Variants in PAXIP1 observed in about 807,000 individuals in gnomAD.
PAXIP1 encodes the protein PAX interacting protein 1.
A neutral mutation model predicts 140.6 loss-of-function variants in PAXIP1; 19 were observed. The observed-to-expected ratio is 0.14, with a 90% confidence interval of 0.09 to 0.20. The LOEUF (loss-of-function observed/expected upper bound fraction) is 0.20, where lower values mean the gene tolerates loss of function less well. PAXIP1 is among the 10% of genes least tolerant of loss of function. The pLI is 1.00. For synonymous variants in PAXIP1, 442 were observed against 444.6 expected (o/e 0.99, Z 0.07); for missense variants, 920 against 1,208.6 (o/e 0.76, Z 3.54).
chr7:154,962,550 T>C, intron 9 of PAXIP1, 92 bp from the exon 10 acceptor site: 1 of 1,095,518 alleles, frequency 9.1e-7, no homozygotes, highest in South Asian at 1.6e-5. Flanking sequence ...AATGCCCTTT[T>C]CATTGGAAGC....
intron 4 of PAXIP1, among the ~76,000 whole-genome samples, chr7:154,989,953 A>G (rs1380532448): frequency 6.6e-6 from 1 of 151,876 alleles, no homozygotes; most frequent in African/African-American, 2.4e-5. Context: ...TTCCAATTTT[A>G]CCATCTTATA....
At chr7:154,961,431 C>CA in intron 11 of PAXIP1, 96 bp downstream of exon 11, 1 of 1,023,054 alleles carries the variant, frequency 9.8e-7, no homozygotes, top group Non-Finnish European at 1.4e-6. Flanking sequence ...ATTTCTACCA[C>CA]AAAACTATGA....
At chr7:154,968,000 C>T (rs1809099117) in intron 7 of PAXIP1, 90 bp from the exon 8 acceptor site, 2 of 774,984 alleles carry the variant, frequency 2.6e-6, no homozygotes, top group Non-Finnish European at 4.2e-6. Context: ...CAATGTCAAT[C>T]TGTTATGTTT....
Position 154,954,407 on chromosome 7 carries a change from C to A in PAXIP1, c.2669G>T (p.Gly890Val). Residue 890 changes from glycine (G) to valine (V), a missense_variant, in exon 16 of 21, where the codon GGT becomes GTT. By Grantham distance (109) the Gly-to-Val change is moderately radical. Around this residue, in one of 5 missense-constraint regions of PAXIP1, gnomAD observed 303 missense variants for 517.9 expected, o/e 0.59. Coordinates refer to ENST00000404141, the MANE Select transcript of PAXIP1 (RefSeq NM_007349.4). The surrounding 1 kb of genome is among the most constrained non-coding windows in gnomAD (Gnocchi z 5.1). ...CTGTGCAGACTCCGCAACCTCTCCA[C>A]CAAGAATGTAGAGCTTCTAAAGGTC... is the stretch of plus-strand genomic sequence containing the variant. Reference protein sequence around the residue: ...QQYIKKLYILGGEVAESAQKC... With the variant: ...QQYIKKLYILVGEVAESAQKC... The A allele has an allele frequency of 1.3e-6, 2 of 1,553,342 alleles. No homozygotes were observed. The highest frequency in any genetic ancestry group is 1.2e-5 in the South Asian group (1 of 84,220).
At chr7:154,967,381 A>G (rs1809071920) in intron 8 of PAXIP1, 2 of 156,452 alleles carry the variant, frequency 1.3e-5, no homozygotes, top group Admixed American at 1.3e-4. Context: ...ATGATAATAC[A>G]TAATTAAATT....
chr7:154,971,814 TC>T (rs1809345474), intron 6 of PAXIP1, among the ~76,000 whole-genome samples: 1 of 152,138 alleles, frequency 6.6e-6, no homozygotes. Flanking sequence ...TAAGTTACAC[TC>T]CCCCCAACAA....
chr7:154,965,808 G>A, intron 8 of PAXIP1: 1 of 152,256 alleles, frequency 6.6e-6, no homozygotes, highest in East Asian at 1.9e-4. Context: ...TGGGTTTTCG[G>A]GAATCAAAAG....
rs1457695370 is a variant in PAXIP1 at position 154,968,768 on chromosome 7, G to T, written c.1433C>A (p.Pro478Gln). The T allele has an allele frequency of 2.8e-6, 2 of 719,680 alleles. No homozygotes were observed. The highest frequency in any genetic ancestry group is 2.6e-6 in the Non-Finnish European group (1 of 386,316). The allele number at this position is 719,680 out of a possible 1,614,324, so 44.6% of individuals were successfully genotyped here. A position where few individuals can be genotyped will look rare whatever the true frequency, so the allele number is the denominator to read the frequency against. ...CTGCTGAGGGCGATGCAGCTGCTGT[G>T]GAGGATGCAACTGTTGCTGTGGAAA... ...LQFPQQQLHP[P>Q]QQLHRPQQQL... Residue 478 changes from proline (P) to glutamine (Q), a missense_variant, in exon 7 of 21, where the codon CCA (proline) becomes CAA (glutamine). Pro to Gln is a moderately conservative substitution (Grantham distance 76). This residue lies in a region of PAXIP1 where 133 missense variants were observed against 88.4 expected (regional missense o/e 1.50). Coordinates refer to ENST00000404141, the MANE Select transcript of PAXIP1 (RefSeq NM_007349.4).
Position 154,963,923 on chromosome 7 carries a change from T to G in PAXIP1, c.1894-157A>C. ...CATGTAACAGTTCTATTTACGGACT[T>G]TTCTACCCAGCACCATACAATGAAA... On this transcript the variant is annotated intron_variant, in intron 8 of 20. Transcript: ENST00000404141. The surrounding 1 kb of genome is among the most constrained non-coding windows in gnomAD (Gnocchi z 4.1). 1.6e-6 allele frequency: 1 copy of G among 611,810 alleles called. No homozygotes were observed. Among genetic ancestry groups the G allele is most frequent in the Non-Finnish European group, 3.0e-6 (1 of 336,740 alleles). The allele number at this position is 611,810 out of a possible 1,614,324, so 37.9% of individuals were successfully genotyped here.
chr7:154,957,417 C>T, intron 13 of PAXIP1, 123 bp from the exon 14 acceptor site: 1 of 531,872 alleles, frequency 1.9e-6, no homozygotes, highest in Non-Finnish European at 3.3e-6. Context: ...TGTTCTTCTT[C>T]ACCACATCAG....
intron 7 of PAXIP1, 44 bp downstream of exon 7, chr7:154,968,359 T>G: frequency 6.8e-7 from 1 of 1,476,912 alleles, no homozygotes; most frequent in Non-Finnish European, 9.1e-7. Flanking sequence ...TTTATGTGGG[T>G]ACAAGACTTT....
At chr7:154,981,922 G>A (rs995361424) in intron 5 of PAXIP1, among the ~76,000 whole-genome samples, 16 of 151,992 alleles carry the variant, frequency 1.1e-4, no homozygotes, top group Non-Finnish European at 1.9e-4. Context: ...TTTTGGAAGG[G>A]GAAAAAACGC....
Position 154,973,147 on chromosome 7 carries a change from C to A in PAXIP1, c.1074+2549G>T, listed in dbSNP as rs1809409335. On this transcript the variant is annotated intron_variant, in intron 6 of 20. Transcript: ENST00000404141. This position sits in a 1 kb window ranked among gnomAD's most constrained non-coding sequence, Gnocchi z 4.0. ...TCTCATGGGCACCCACCTGGACAAT[C>A]CCTGGCCTTGCAGCTCTTGGACCTC... Among the ~76,000 whole-genome samples the A allele has an allele frequency of 1.3e-5, 2 of 152,210 alleles. No individual in the cohort carries two copies. The highest frequency in any genetic ancestry group is 2.9e-5 in the Non-Finnish European group (2 of 68,040).
At chr7:154,955,034 C>CCAAAA (rs1028636502) in intron 15 of PAXIP1, among the ~76,000 whole-genome samples, 11 of 152,182 alleles carry the variant, frequency 7.2e-5, no homozygotes, top group Non-Finnish European at 1.3e-4. Flanking sequence ...CTCTCCCTCA[C>CCAAAA]CAAAACAAAA....
At chr7:154,987,494 C>T (rs1434245478) in intron 4 of PAXIP1, among the ~76,000 whole-genome samples, 1 of 152,156 alleles carries the variant, frequency 6.6e-6, no homozygotes, top group African/African-American at 2.4e-5. Flanking sequence ...TGCGTGCTAT[C>T]CAAGGCTCTA....
chr7:154,997,918 A>G (rs1332115055), intron 2 of PAXIP1, among the ~76,000 whole-genome samples: 4 of 152,188 alleles, frequency 2.6e-5, no homozygotes, highest in African/African-American at 9.7e-5. Flanking sequence ...TCCTAGAGTT[A>G]CCTCCCGACA....
rs577157311 is a variant in PAXIP1 at position 154,962,405 on chromosome 7, T to C, written c.2043A>G (p.Leu681=). ...CVTAHWLNTV[L]KKKKMVPPHR... ...GCGGCGGTACCATTTTCTTCTTCTTTAAGACTGTGTTTAACCAGTGTGCAG... is the reference window on the plus strand; with the variant it reads ...GCGGCGGTACCATTTTCTTCTTCTTCAAGACTGTGTTTAACCAGTGTGCAG... Residue 681 remains leucine, a synonymous_variant, in exon 10 of 21, where the codon TTA becomes TTG. Coordinates refer to ENST00000404141, the MANE Select transcript of PAXIP1 (RefSeq NM_007349.4). The C allele has an allele frequency of 6.2e-7, 1 of 1,613,828 alleles. No individual in the cohort carries two copies. The highest frequency in any genetic ancestry group is 2.2e-5 in the East Asian group (1 of 44,880).
In PAXIP1 at chr7:155,002,803, G is replaced by C. The variant is rs369599771; in HGVS notation, c.81+46C>G. 3.1e-3 allele frequency: 3,579 copies of C among 1,137,174 alleles called. 14 individuals carry two copies. The highest frequency in any genetic ancestry group is 3.8e-3 in the Non-Finnish European group (3,222 of 842,672). The allele number at this position is 1,137,174 out of a possible 1,614,324, so 70.4% of individuals were successfully genotyped here. Reference sequence around the variant, plus strand: ...ACGGGGACGGGGACGGGGACGGACGGGGACGCGGACGGGGGAGGAGGCCGC... The same window carrying C: ...ACGGGGACGGGGACGGGGACGGACGCGGACGCGGACGGGGGAGGAGGCCGC... On this transcript the variant is annotated intron_variant, in intron 1 of 20. Coordinates refer to ENST00000404141, the MANE Select transcript of PAXIP1 (RefSeq NM_007349.4).
In PAXIP1 at chr7:154,973,894, G is replaced by A. The variant is rs540919812; in HGVS notation, c.1074+1802C>T. Among the ~76,000 whole-genome samples the A allele has an allele frequency of 6.6e-6, 1 of 152,166 alleles. No individual in the cohort carries two copies. Among genetic ancestry groups the A allele is most frequent in the Admixed American group, 6.5e-5 (1 of 15,284 alleles). ...TTTGAGCTGTCATTATGAAATGAAA[G>A]TGTCCAGAACAAGGTGAAGCGGCAG... is the stretch of plus-strand genomic sequence containing the variant. On this transcript the variant is annotated intron_variant, in intron 6 of 20. Transcript: ENST00000404141. This position sits in a 1 kb window ranked among gnomAD's most constrained non-coding sequence, Gnocchi z 4.0.
Sources: allele counts gnomAD v4.1 joint callset (sites outside exome capture counted in the v4.1 genomes callset), GRCh38; gene constraint gnomAD v4.1.1; regional missense constraint gnomAD v4.1.1; non-coding constraint Gnocchi (gnomAD v3.1); transcripts MANE v1.5; gene names NCBI Gene and HGNC (gene_info 2026-07-23, HGNC 2026-07-21).